The following MAPK10 variants were observed in gnomAD, a reference collection of about 807,000 sequenced individuals.
MAPK10 encodes the protein JNK3 alpha protein kinase.
MAPK10 carries 25 observed loss-of-function variants against 59.3 expected under a neutral mutation model. That is an observed-to-expected ratio of 0.42 (90% CI 0.31 to 0.59). MAPK10 has a LOEUF of 0.59. Ranked by LOEUF, MAPK10 falls within the 20% of genes least tolerant of loss-of-function variation. MAPK10 has a pLI of 0.15. For synonymous variants in MAPK10, 190 were observed against 200.5 expected (o/e 0.95, Z 0.44); for missense variants, 351 against 568.9 (o/e 0.62, Z 3.90).
chr4:86,281,155 C>T (rs2094787443), intron 2 of MAPK10, among the ~76,000 whole-genome samples: 2 of 152,104 alleles, frequency 1.3e-5, no homozygotes, highest in South Asian at 4.1e-4. Context: ...TTATTTGCAA[C>T]TAACCACAAC....
chr4:86,374,416 T>A (rs531111037), intron 1 of MAPK10, among the ~76,000 whole-genome samples: 120 of 151,882 alleles, frequency 7.9e-4, no homozygotes, highest in Middle Eastern at 6.8e-3. Flanking sequence ...AAAAAAAAAA[T>A]TTTTAAAAAG....
At chr4:86,064,429 G>T (rs1448960140) in intron 10 of MAPK10, 39 bp from the exon 11 acceptor site, 1 of 1,607,764 alleles carries the variant, frequency 6.2e-7, no homozygotes, top group South Asian at 1.1e-5. Flanking sequence ...GTAAGATTTT[G>T]ATTTCAGTAA....
intron 1 of MAPK10, among the ~76,000 whole-genome samples, chr4:86,412,754 G>A (rs1327597500): frequency 6.6e-6 from 1 of 152,108 alleles, no homozygotes; most frequent in Non-Finnish European, 1.5e-5. Context: ...ACTCCATCGG[G>A]TCATTTAAGG....
intron 1 of MAPK10, among the ~76,000 whole-genome samples, chr4:86,431,656 C>T (rs1017074348): frequency 5.3e-5 from 8 of 152,230 alleles, no homozygotes; most frequent in Middle Eastern, 3.4e-3. Context: ...GGCTGGTCAG[C>T]GTAGCCTTTG....
chr4:86,415,623 T>C (rs17418062), intron 1 of MAPK10, among the ~76,000 whole-genome samples: 10,695 of 152,238 alleles, frequency 0.07, 460 homozygotes, highest in Non-Finnish European at 0.099. Context: ...TCAGTTCTTT[T>C]TCCCACTACA....
chr4:86,321,335 C>G (rs200121076), intron 2 of MAPK10, among the ~76,000 whole-genome samples: 11 of 150,518 alleles, frequency 7.3e-5, no homozygotes, highest in South Asian at 4.2e-4. Context: ...GGAACCAACC[C>G]AAATGTCCAA....
intron 1 of MAPK10, among the ~76,000 whole-genome samples, chr4:86,547,228 G>A (rs947047651): frequency 2.6e-5 from 4 of 152,314 alleles, no homozygotes; most frequent in East Asian, 1.9e-4. Flanking sequence ...CGGCACCTGA[G>A]GAGCCCTTCA....
At chr4:86,049,114 G>A (rs2148956059) in intron 11 of MAPK10, among the ~76,000 whole-genome samples, 1 of 152,188 alleles carries the variant, frequency 6.6e-6, no homozygotes, top group African/African-American at 2.4e-5. Flanking sequence ...AGGAGAGGGA[G>A]ATGGGGAACA....
intron 2 of MAPK10, among the ~76,000 whole-genome samples, chr4:86,214,971 A>G (rs1307158528): frequency 6.6e-6 from 1 of 152,188 alleles, no homozygotes; most frequent in Non-Finnish European, 1.5e-5. Flanking sequence ...CCTTGAAAAA[A>G]GAACAAAACG....
At chr4:86,542,748 A>G (rs1758820964) in intron 1 of MAPK10, among the ~76,000 whole-genome samples, 1 of 152,208 alleles carries the variant, frequency 6.6e-6, no homozygotes, top group Non-Finnish European at 1.5e-5. Context: ...AAAGTCTTAG[A>G]GAAAACTTTC....
At chr4:86,519,304 T>C (rs1756937956) in intron 1 of MAPK10, among the ~76,000 whole-genome samples, 1 of 152,192 alleles carries the variant, frequency 6.6e-6, no homozygotes, top group Admixed American at 6.5e-5. Context: ...CCCAATGTTA[T>C]GTGCATATAT....
intron 1 of MAPK10, among the ~76,000 whole-genome samples, chr4:86,580,995 C>T (rs1018481597): frequency 2.6e-5 from 4 of 152,112 alleles, no homozygotes; most frequent in Admixed American, 2.6e-4. Context: ...CAAAGCCTAC[C>T]CTAATGCCAC....
At chr4:86,473,801 A>T (rs964994990) in intron 1 of MAPK10, among the ~76,000 whole-genome samples, 1 of 152,178 alleles carries the variant, frequency 6.6e-6, no homozygotes. Flanking sequence ...TTGAGAAAGG[A>T]AAGTTCCCAG....
intron 2 of MAPK10, among the ~76,000 whole-genome samples, chr4:86,320,816 C>G (rs371549197): frequency 1.3e-5 from 2 of 152,076 alleles, no homozygotes; most frequent in Non-Finnish European, 2.9e-5. Flanking sequence ...TTTAATCCAT[C>G]TTGAATTAAT....
At chr4:86,420,855 G>A (rs528779735) in intron 1 of MAPK10, among the ~76,000 whole-genome samples, 8 of 152,226 alleles carry the variant, frequency 5.3e-5, no homozygotes, top group African/African-American at 1.7e-4. Context: ...GCCGAGGCTG[G>A]TGGATCATTT....
intron 1 of MAPK10, among the ~76,000 whole-genome samples, chr4:86,467,185 G>A (rs769388003): frequency 3.3e-5 from 5 of 152,140 alleles, no homozygotes; most frequent in African/African-American, 7.2e-5. Context: ...GTATTGAAGC[G>A]GGCCTCACAG....
intron 2 of MAPK10, among the ~76,000 whole-genome samples, chr4:86,276,696 T>TTGAAGCACTTCATG (rs2094588062): frequency 6.6e-6 from 1 of 152,308 alleles, no homozygotes; most frequent in African/African-American, 2.4e-5. Context: ...TTTTTACTGA[T>TTGAAGCACTTCATG]TGAAGCACTT....
At chr4:86,080,542 A>T (rs892671674) in intron 9 of MAPK10, 3 of 152,030 alleles carry the variant, frequency 2.0e-5, no homozygotes, top group African/African-American at 7.2e-5. Flanking sequence ...CAAGGACTCC[A>T]CTAAAGATAC....
chr4:86,488,376 C>T (rs1338973256), intron 1 of MAPK10, among the ~76,000 whole-genome samples: 1 of 152,104 alleles, frequency 6.6e-6, no homozygotes, highest in African/African-American at 2.4e-5. Flanking sequence ...CTTCAATAAG[C>T]ATTGTTCCTG....
Sources: gnomAD v4.1 joint callset for allele counts (sites outside exome capture counted in the v4.1 genomes callset) on GRCh38, gnomAD v4.1.1 for gene constraint, MANE v1.5 for transcripts, NCBI Gene and HGNC (gene_info 2026-07-23, HGNC 2026-07-21) for gene names.